SYT1: variants seen among roughly 807,000 people sequenced by gnomAD.
SYT1 encodes the protein synaptotagmin 1, also known as synaptotagmin-1.
Under a neutral mutation model 44.8 loss-of-function variants are expected in SYT1, and 8 were observed. That is an observed-to-expected ratio of 0.18 (90% CI 0.10 to 0.32). SYT1 has a LOEUF of 0.32. Among genes scored for constraint, SYT1 ranks in the 10% least tolerant of loss-of-function variants. SYT1 has a pLI of 1.00. For missense variants in SYT1, 286 were observed against 509.3 expected (o/e 0.56, Z 4.22); for synonymous variants, 154 against 188.8 (o/e 0.82, Z 1.51).
intron 2 of SYT1, among the ~76,000 whole-genome samples, chr12:79,041,338 A>G (rs1300077348): frequency 6.6e-6 from 1 of 152,152 alleles, no homozygotes; most frequent in Non-Finnish European, 1.5e-5. Flanking sequence ...GAGGTCCTTC[A>G]CATCCCCTGT....
chr12:78,960,140 A>G (rs956726752), intron 1 of SYT1: 2 of 152,166 alleles, frequency 1.3e-5, no homozygotes, highest in African/African-American at 4.8e-5. Flanking sequence ...TACCACTCAT[A>G]TGTTTTTCTG....
intron 1 of SYT1, among the ~76,000 whole-genome samples, chr12:78,972,206 G>T (rs972963081): frequency 3.3e-5 from 5 of 151,936 alleles, no homozygotes; most frequent in African/African-American, 1.2e-4. Context: ...TAAATATCAT[G>T]TAAGATATCT....
intron 1 of SYT1, chr12:78,960,158 T>C (rs1879428544): frequency 6.6e-6 from 1 of 152,234 alleles, no homozygotes; most frequent in Non-Finnish European, 1.5e-5. Flanking sequence ...CTGGGAGTTA[T>C]GCTGGCTTTT....
intron 8 of SYT1, among the ~76,000 whole-genome samples, chr12:79,332,601 G>A (rs1336949082): frequency 6.6e-6 from 1 of 152,160 alleles, no homozygotes; most frequent in African/African-American, 2.4e-5. Context: ...CAGTAACTCC[G>A]AAAAAGAAGT....
intron 8 of SYT1, 149 bp downstream of exon 8, chr12:79,299,700 C>A: frequency 1.1e-6 from 1 of 924,796 alleles, no homozygotes; most frequent in Non-Finnish European, 1.6e-6. Context: ...GGCACTGCAC[C>A]ACCTCGTTAA....
rs370752814 is a variant in SYT1 at position 79,317,660 on chromosome 12, CAG to C, written c.810+18112_810+18113del. On this transcript the variant is annotated intron_variant, in intron 8 of 10. Coordinates refer to ENST00000261205, the MANE Select transcript of SYT1 (RefSeq NM_005639.3). ...CAGAGGTGACTGTCGGGCGAAGTGTCAGAGCCCTGGCATCAGGAAGTGCTCAA... is the reference window on the plus strand; with the variant it reads ...CAGAGGTGACTGTCGGGCGAAGTGTCAGCCCTGGCATCAGGAAGTGCTCAA... Among the ~76,000 whole-genome samples, 551 of 152,260 alleles carry C rather than the reference CAG, an allele frequency of 3.6e-3. 4 individuals are homozygous for C. The highest frequency in any genetic ancestry group is 0.013 in the African/African-American group (536 of 41,542).
chr12:78,868,516 AAG>A (rs1228048119), intron 1 of SYT1, among the ~76,000 whole-genome samples: 9 of 152,024 alleles, frequency 5.9e-5, no homozygotes, highest in Middle Eastern at 3.4e-3. Flanking sequence ...GCCATTTAAA[AAG>A]AGACAAAGTA....
At chr12:79,256,087 C>G (rs768767418) in intron 4 of SYT1, among the ~76,000 whole-genome samples, 13 of 152,154 alleles carry the variant, frequency 8.5e-5, no homozygotes, top group Non-Finnish European at 1.5e-4. Flanking sequence ...TCTGCAACCA[C>G]TTGTGGCTTT....
At chr12:79,062,762 T>TA (rs1875485269) in intron 3 of SYT1, among the ~76,000 whole-genome samples, 1 of 152,184 alleles carries the variant, frequency 6.6e-6, no homozygotes. Context: ...TGTGAGATTT[T>TA]CCTAAAATGA....
intron 4 of SYT1, among the ~76,000 whole-genome samples, chr12:79,269,607 G>T (rs542017897): frequency 3.9e-5 from 6 of 152,034 alleles, no homozygotes; most frequent in Non-Finnish European, 8.8e-5. Flanking sequence ...TGAGAAACAG[G>T]TTTTTAATTT....
Position 79,095,670 on chromosome 12 carries a change from T to C in SYT1, c.-18+48308T>C, listed in dbSNP as rs112274843. ...GGCAGAGATCTGGGAATACTGACCTTGGTAAAAATTCTTACCTTTCTTGGC... is the reference window on the plus strand; with the variant it reads ...GGCAGAGATCTGGGAATACTGACCTCGGTAAAAATTCTTACCTTTCTTGGC... On this transcript the variant is annotated intron_variant, in intron 3 of 10. Coordinates refer to ENST00000261205, the MANE Select transcript of SYT1 (RefSeq NM_005639.3). 2.1e-3 allele frequency among the ~76,000 whole-genome samples: 315 copies of C among 152,028 alleles called. 4 individuals are homozygous for C. The highest frequency in any genetic ancestry group is 0.017 in the Middle Eastern group (5 of 294).
intron 3 of SYT1, among the ~76,000 whole-genome samples, chr12:79,060,176 G>A (rs1306669956): frequency 6.6e-6 from 1 of 152,076 alleles, no homozygotes; most frequent in Non-Finnish European, 1.5e-5. Flanking sequence ...TATCATAGCA[G>A]TAACTTTACT....
chr12:79,316,825 A>C (rs540682068), intron 8 of SYT1, among the ~76,000 whole-genome samples: 4 of 152,352 alleles, frequency 2.6e-5, no homozygotes, highest in African/African-American at 7.2e-5. Flanking sequence ...AGCTTCTTAT[A>C]AGTGAGGAAA....
At chr12:79,278,942 C>A (rs1382782297) in intron 4 of SYT1, among the ~76,000 whole-genome samples, 3 of 151,028 alleles carry the variant, frequency 2.0e-5, no homozygotes, top group Non-Finnish European at 4.4e-5. Flanking sequence ...ATAGCCCCCC[C>A]AAGCCTGAAT....
chr12:78,942,030 T>C (rs1318114982), intron 1 of SYT1, among the ~76,000 whole-genome samples: 1 of 152,208 alleles, frequency 6.6e-6, no homozygotes, highest in Non-Finnish European at 1.5e-5. Flanking sequence ...TTGGCCTCTT[T>C]TGTACAACTT....
Position 79,301,742 on chromosome 12 carries a change from A to G in SYT1, c.810+2191A>G, listed in dbSNP as rs149077513. Among the ~76,000 whole-genome samples, 651 of 152,030 alleles carry G rather than the reference A, an allele frequency of 4.3e-3. 1 individual carries two copies. Among genetic ancestry groups the G allele is most frequent in the African/African-American group, 0.015 (619 of 41,482 alleles). ...TATCCTTTTTCTCACCATTGCACTT[A>G]CTGAGTATCTGTAGGAGTTATTAAT... On this transcript the variant is annotated intron_variant, in intron 8 of 10. Transcript: ENST00000261205.
rs371410096 is a variant in SYT1, at chr12:79,054,051, A to T, written c.-18+6689A>T. Among the ~76,000 whole-genome samples the T allele has an allele frequency of 1.6e-3, 249 of 152,162 alleles. 12 individuals are homozygous for T. The South Asian group carries it at 0.049, about 30-fold the overall frequency. Reference sequence around the variant, plus strand: ...TTTAGTAGGCATTGAACTAAATTTCATTTAATTATTCAAAGAATTCTTCTG... The same window carrying T: ...TTTAGTAGGCATTGAACTAAATTTCTTTTAATTATTCAAAGAATTCTTCTG... On this transcript the variant is annotated intron_variant, in intron 3 of 10. Coordinates refer to ENST00000261205, the MANE Select transcript of SYT1 (RefSeq NM_005639.3).
intron 8 of SYT1, among the ~76,000 whole-genome samples, chr12:79,303,940 A>G (rs1050410124): frequency 1.3e-5 from 2 of 152,192 alleles, no homozygotes; most frequent in African/African-American, 4.8e-5. Flanking sequence ...CCCAACGATC[A>G]ATGCCCTGAT....
intron 2 of SYT1, among the ~76,000 whole-genome samples, chr12:79,002,562 G>A (rs1870812705): frequency 6.6e-6 from 1 of 151,654 alleles, no homozygotes; most frequent in Admixed American, 6.6e-5. Context: ...CCTCAATTTC[G>A]GTATCCAGGT....
Sources: gnomAD v4.1 joint callset for allele counts (sites outside exome capture counted in the v4.1 genomes callset) on GRCh38, gnomAD v4.1.1 for gene constraint, MANE v1.5 for transcripts, NCBI Gene and HGNC (gene_info 2026-07-23, HGNC 2026-07-21) for gene names.